Variants in GALNT7 observed in about 807,000 individuals in gnomAD.
GALNT7 encodes the protein polypeptide N-acetylgalactosaminyltransferase 7.
GALNT7 carries 60 observed loss-of-function variants against 82.1 expected under a neutral mutation model. The observed-to-expected ratio is 0.73, with a 90% CI of 0.59 to 0.91. GALNT7 has a LOEUF of 0.91. Among genes scored for constraint, GALNT7 ranks in the 40% least tolerant of loss-of-function variants. The pLI is 0.00. For missense variants in GALNT7, 660 were observed against 804.2 expected (o/e 0.82, Z 2.17); for synonymous variants, 243 against 275.1 (o/e 0.88, Z 1.15).
chr4:173,217,491 A>G (rs1320764373), intron 1 of GALNT7, among the ~76,000 whole-genome samples: 1 of 152,230 alleles, frequency 6.6e-6, no homozygotes, highest in Non-Finnish European at 1.5e-5. Context: ...ACTAGAACAT[A>G]AGGTTGAAGT....
intron 1 of GALNT7, among the ~76,000 whole-genome samples, chr4:173,218,281 G>A (rs1266009286): frequency 6.6e-6 from 1 of 152,082 alleles, no homozygotes; most frequent in East Asian, 1.9e-4. Flanking sequence ...AGTTCCCTAA[G>A]GCTTAGAAAA....
chr4:173,300,750 A>G (rs1408408193), intron 6 of GALNT7, among the ~76,000 whole-genome samples: 1 of 151,960 alleles, frequency 6.6e-6, no homozygotes, highest in East Asian at 1.9e-4. Context: ...AATAAAGGAC[A>G]CAAGCTCGGG....
At chr4:173,244,402 G>C (rs150015843) in intron 1 of GALNT7, among the ~76,000 whole-genome samples, 9 of 152,306 alleles carry the variant, frequency 5.9e-5, no homozygotes, top group African/African-American at 2.2e-4. Context: ...GAAACATGTT[G>C]ATGTATGAAT....
Position 173,229,286 on chromosome 4 carries a change from C to T in GALNT7, c.127-18694C>T, listed in dbSNP as rs561727343. On this transcript the variant is annotated intron_variant, in intron 1 of 11. Coordinates refer to ENST00000265000, the MANE Select transcript of GALNT7 (RefSeq NM_017423.3). ...AAGTTTTTACTTCTATTACAGTAGC[C>T]TTTCCTGAGCTGCTTTATTATGAAT... 2.6e-5 allele frequency among the ~76,000 whole-genome samples: 4 copies of T among 152,220 alleles called. No individual in the cohort carries two copies. In the South Asian group the frequency reaches 8.3e-4, roughly 32 times the overall value.
intron 1 of GALNT7, among the ~76,000 whole-genome samples, chr4:173,218,349 A>G (rs1733536142): frequency 6.6e-6 from 1 of 152,222 alleles, no homozygotes; most frequent in Non-Finnish European, 1.5e-5. Flanking sequence ...AATCCAATTG[A>G]AAAAACGTGA....
intron 2 of GALNT7, among the ~76,000 whole-genome samples, chr4:173,281,450 CAT>C (rs1275632294): frequency 6.6e-6 from 1 of 152,156 alleles, no homozygotes; most frequent in African/African-American, 2.4e-5. Context: ...AGAGTTGCCA[CAT>C]GTCATCCTAT....
At chr4:173,171,596 CTG>C (rs1731875681) in intron 1 of GALNT7, among the ~76,000 whole-genome samples, 1 of 152,220 alleles carries the variant, frequency 6.6e-6, no homozygotes, top group Non-Finnish European at 1.5e-5. Flanking sequence ...GTCTGTCCAC[CTG>C]TGGAGTCAAG....
intron 2 of GALNT7, among the ~76,000 whole-genome samples, chr4:173,261,555 G>A (rs905880806): frequency 6.6e-6 from 1 of 152,124 alleles, no homozygotes; most frequent in Non-Finnish European, 1.5e-5. Flanking sequence ...GGCAGCTCAC[G>A]CCTGTAATCC....
intron 2 of GALNT7, among the ~76,000 whole-genome samples, chr4:173,267,578 C>A (rs1735550221): frequency 6.6e-6 from 1 of 152,072 alleles, no homozygotes; most frequent in Non-Finnish European, 1.5e-5. Context: ...ACCAGGGGCC[C>A]CTTTGCAGCA....
chr4:173,247,151 G>T (rs553916633), intron 1 of GALNT7, among the ~76,000 whole-genome samples: 1 of 151,832 alleles, frequency 6.6e-6, no homozygotes, highest in Non-Finnish European at 1.5e-5. Context: ...TGTCTTGTGC[G>T]AAGAATGGTA....
At chr4:173,295,086 A>G (rs1483279687) in intron 3 of GALNT7, among the ~76,000 whole-genome samples, 1 of 152,230 alleles carries the variant, frequency 6.6e-6, no homozygotes, top group African/African-American at 2.4e-5. Flanking sequence ...GAAAGCGTTC[A>G]GATTTGACAT....
chr4:173,314,480 T>G (rs1242334220), intron 9 of GALNT7, among the ~76,000 whole-genome samples: 1 of 152,192 alleles, frequency 6.6e-6, no homozygotes, highest in African/African-American at 2.4e-5. Context: ...CAATTTATCT[T>G]ACTGCTCTCA....
chr4:173,233,908 A>G (rs1351081273), intron 1 of GALNT7, among the ~76,000 whole-genome samples: 1 of 152,164 alleles, frequency 6.6e-6, no homozygotes, highest in African/African-American at 2.4e-5. Context: ...ATCCCTTAAC[A>G]GGCAAATCAA....
At chr4:173,217,277 T>C (rs764881404) in intron 1 of GALNT7, among the ~76,000 whole-genome samples, 3 of 152,272 alleles carry the variant, frequency 2.0e-5, no homozygotes, top group Non-Finnish European at 4.4e-5. Flanking sequence ...TCCTGAGTTA[T>C]TACCCTTCTT....
intron 2 of GALNT7, among the ~76,000 whole-genome samples, chr4:173,270,129 G>T (rs1202565385): frequency 1.3e-5 from 2 of 152,268 alleles, no homozygotes; most frequent in East Asian, 1.9e-4. Context: ...AATTATTATT[G>T]GCAATATGTG....
chr4:173,169,412 T>A (rs1731768589), intron 1 of GALNT7: 1 of 151,098 alleles, frequency 6.6e-6, no homozygotes, highest in Non-Finnish European at 1.5e-5. Flanking sequence ...GGAGGCGAGA[T>A]GCCGATGCCG....
At chr4:173,254,953 C>CACAAAAAACACATA (rs1446991359) in intron 2 of GALNT7, among the ~76,000 whole-genome samples, 2 of 152,206 alleles carry the variant, frequency 1.3e-5, no homozygotes, top group Non-Finnish European at 2.9e-5. Context: ...CTTCTTCACA[C>CACAAAAAACACATA]ACATATAAAC....
rs553032527 is a variant in GALNT7 at position 173,200,609 on chromosome 4, A to T, written c.126+31648A>T. Reference sequence around the variant, plus strand: ...GTTATTTGAATGGCACGTATTCTCCACAGCTTGCTAACAGTAGTTTTGTCT... The same window carrying T: ...GTTATTTGAATGGCACGTATTCTCCTCAGCTTGCTAACAGTAGTTTTGTCT... On this transcript the variant is annotated intron_variant, in intron 1 of 11. Transcript: ENST00000265000. Among the ~76,000 whole-genome samples, 9 of 152,334 alleles carry T rather than the reference A, an allele frequency of 5.9e-5. No individual in the cohort carries two copies. In the South Asian group the frequency reaches 1.9e-3, roughly 32 times the overall value.
At chr4:173,195,650 G>A (rs1481927735) in intron 1 of GALNT7, among the ~76,000 whole-genome samples, 2 of 152,132 alleles carry the variant, frequency 1.3e-5, no homozygotes, top group African/African-American at 2.4e-5. Flanking sequence ...GTCCTTACCT[G>A]GCTAATCTTC....
Sources: gnomAD v4.1 joint callset for allele counts (sites outside exome capture counted in the v4.1 genomes callset) on GRCh38, gnomAD v4.1.1 for gene constraint, MANE v1.5 for transcripts, NCBI Gene and HGNC (gene_info 2026-07-23, HGNC 2026-07-21) for gene names.